RBM27: variants seen among roughly 807,000 people sequenced by gnomAD.
RBM27 encodes RNA-binding protein 27.
In RBM27, 22 loss-of-function variants were observed where a neutral mutation model predicts 135.3. The observed-to-expected ratio is 0.16, with a 90% CI of 0.12 to 0.23. RBM27 has a LOEUF of 0.23. Among genes scored for constraint, RBM27 ranks in the 10% least tolerant of loss-of-function variants. The pLI is 1.00. For synonymous variants in RBM27, 481 were observed against 442.4 expected (o/e 1.09, Z -1.10); for missense variants, 1,009 against 1,281.0 (o/e 0.79, Z 3.24).
At chr5:146,229,078 C>A in intron 4 of RBM27, 41 bp downstream of exon 4, 1 of 1,516,380 alleles carries the variant, frequency 6.6e-7, no homozygotes, top group Non-Finnish European at 9.1e-7. Context: ...TGATAACTCA[C>A]TTTTTAGTTG....
At chr5:146,237,139 A>G (rs1757200593) in intron 7 of RBM27, among the ~76,000 whole-genome samples, 159 bp from the exon 8 acceptor site, 1 of 151,994 alleles carries the variant, frequency 6.6e-6, no homozygotes, top group African/African-American at 2.4e-5. Flanking sequence ...AGGTTTCTCC[A>G]TGTTGGTCAG....
chr5:146,222,350 C>G (rs538784533), intron 2 of RBM27, among the ~76,000 whole-genome samples: 1 of 152,280 alleles, frequency 6.6e-6, no homozygotes, highest in East Asian at 1.9e-4. Context: ...TTTAGCTGTT[C>G]CTTAGGGTAG....
intron 15 of RBM27, among the ~76,000 whole-genome samples, chr5:146,268,578 TTTTTCTTTTC>T (rs538361651): frequency 6.6e-6 from 1 of 151,988 alleles, no homozygotes; most frequent in Non-Finnish European, 1.5e-5. Context: ...GCATGTCACT[TTTTTCTTTTC>T]TTTTCTTTTC....
At chr5:146,276,818 G>T (rs1759111048) in intron 19 of RBM27, among the ~76,000 whole-genome samples, 1 of 152,182 alleles carries the variant, frequency 6.6e-6, no homozygotes, top group Non-Finnish European at 1.5e-5. Flanking sequence ...ACTTTGGGAG[G>T]CTGAGGTGGG....
At chr5:146,235,582 A>G (rs1188342135) in intron 7 of RBM27, among the ~76,000 whole-genome samples, 1 of 152,158 alleles carries the variant, frequency 6.6e-6, no homozygotes. Context: ...ATGTTTTATT[A>G]TTAAAGTTGG....
At chr5:146,256,007 C>T (rs530792760) in intron 10 of RBM27, among the ~76,000 whole-genome samples, 1 of 151,772 alleles carries the variant, frequency 6.6e-6, no homozygotes, top group East Asian at 1.9e-4. Context: ...AAGCATGTGC[C>T]ACCATGCCTG....
chr5:146,237,618 T>C (rs990579216), intron 8 of RBM27, among the ~76,000 whole-genome samples, 186 bp downstream of exon 8: 3 of 152,228 alleles, frequency 2.0e-5, no homozygotes, highest in African/African-American at 7.2e-5. Context: ...TTTTGTGTGA[T>C]ATGGGAGAGA....
chr5:146,237,381 A>G lies in RBM27; in HGVS notation c.1228A>G (p.Thr410Ala), dbSNP rs1581176470. ...AGTGCCCAATCTTGCATCAGTGGGA[A>G]CAAGACTACCTCCTCCTTTACCCCA... ...SAVPNLASVG[T>A]RLPPPLPQNL... The change falls in exon 8 of 21, where the codon ACA (threonine) becomes GCA (alanine). Residue 410 changes from threonine to alanine, a missense_variant. Physicochemically the swap from Thr to Ala is moderately conservative, Grantham distance 58 (BLOSUM62 0). Transcript: ENST00000265271. 1.2e-6 allele frequency: 2 copies of G among 1,614,022 alleles called. No individual in the cohort carries two copies. The highest frequency in any genetic ancestry group is 2.2e-5 in the East Asian group (1 of 44,874).
At chr5:146,274,517 C>T (rs1326212754) in intron 19 of RBM27, among the ~76,000 whole-genome samples, 2 of 152,178 alleles carry the variant, frequency 1.3e-5, no homozygotes, top group African/African-American at 4.8e-5. Flanking sequence ...CCGCCGGCCG[C>T]GTTGGCCTCC....
intron 8 of RBM27, among the ~76,000 whole-genome samples, chr5:146,241,923 A>G (rs1757421672): frequency 6.6e-6 from 1 of 152,188 alleles, no homozygotes. Context: ...TAATCTCAGA[A>G]TAAAAGATAA....
At chr5:146,224,455 G>A (rs1046884983) in intron 3 of RBM27, among the ~76,000 whole-genome samples, 1 of 152,154 alleles carries the variant, frequency 6.6e-6, no homozygotes, top group East Asian at 1.9e-4. Flanking sequence ...GCTTAGGTGG[G>A]CGGATCACCT....
At chr5:146,203,979 G>A (rs1755509138) in intron 1 of RBM27, among the ~76,000 whole-genome samples, 155 bp downstream of exon 1, 1 of 152,062 alleles carries the variant, frequency 6.6e-6, no homozygotes, top group Non-Finnish European at 1.5e-5. Flanking sequence ...CCATTGTGGT[G>A]GGGGTGAGGG....
intron 9 of RBM27, among the ~76,000 whole-genome samples, chr5:146,252,187 CT>C (rs1757919855): frequency 6.6e-6 from 1 of 152,152 alleles, no homozygotes; most frequent in Admixed American, 6.5e-5. Flanking sequence ...TGAATGTTTT[CT>C]AATTAGTTAT....
intron 3 of RBM27, among the ~76,000 whole-genome samples, chr5:146,224,659 G>A (rs1475996450): frequency 3.9e-5 from 6 of 152,004 alleles, no homozygotes; most frequent in Admixed American, 2.0e-4. Flanking sequence ...TCCAGCCTGG[G>A]CAATAAGAGC....
intron 6 of RBM27, 136 bp downstream of exon 6, chr5:146,231,053 G>A (rs1756907793): frequency 9.1e-7 from 1 of 1,095,090 alleles, no homozygotes; most frequent in Non-Finnish European, 1.3e-6. Flanking sequence ...ACAGAGTCTT[G>A]CTCTGTCACC....
intron 8 of RBM27, among the ~76,000 whole-genome samples, chr5:146,249,080 C>T (rs1171152577): frequency 6.6e-6 from 1 of 152,010 alleles, no homozygotes; most frequent in Non-Finnish European, 1.5e-5. Context: ...CCTTCTGGCT[C>T]AAGTGATCCT....
chr5:146,278,451 A>G (rs1340608932), intron 19 of RBM27, among the ~76,000 whole-genome samples: 8 of 152,208 alleles, frequency 5.3e-5, no homozygotes, highest in Non-Finnish European at 1.0e-4. Context: ...TTCACTCCCC[A>G]TAGACAATTA....
intron 8 of RBM27, among the ~76,000 whole-genome samples, 182 bp downstream of exon 8, chr5:146,237,614 G>A (rs548588196): frequency 1.5e-4 from 23 of 152,300 alleles, no homozygotes; most frequent in East Asian, 7.7e-4. Context: ...TTAATTTTGT[G>A]TGATATGGGA....
chr5:146,213,188 C>T lies in RBM27; in HGVS notation c.60-5797C>T, dbSNP rs868368423. Among the ~76,000 whole-genome samples the T allele has an allele frequency of 6.6e-5, 10 of 151,862 alleles. No homozygotes were observed. The South Asian group carries it at 1.0e-3, about 16-fold the overall frequency. On this transcript the variant is annotated intron_variant, in intron 1 of 20. Coordinates refer to ENST00000265271, the MANE Select transcript of RBM27 (RefSeq NM_018989.2). ...CGTGATCTTGGCTCACTGCAACCACCGCCTCCCGGGTTCAAGCAATTCTCC... is the reference window on the plus strand; with the variant it reads ...CGTGATCTTGGCTCACTGCAACCACTGCCTCCCGGGTTCAAGCAATTCTCC...
Sources: allele counts gnomAD v4.1 joint callset (sites outside exome capture counted in the v4.1 genomes callset), GRCh38; gene constraint gnomAD v4.1.1; transcripts MANE v1.5; gene names NCBI Gene and HGNC (gene_info 2026-07-23, HGNC 2026-07-21).